Variants in KLF12 observed in about 807,000 individuals in gnomAD.
KLF12 encodes KLF transcription factor 12, also known as Krueppel-like factor 12.
KLF12 carries 9 observed loss-of-function variants against 37.8 expected under a neutral mutation model. The ratio of observed to expected loss-of-function variants is 0.24; its 90% CI spans 0.14 to 0.42. The LOEUF is 0.42. Among genes scored for constraint, KLF12 ranks in the 10% least tolerant of loss-of-function variants. The pLI, the probability that KLF12 is intolerant of heterozygous loss-of-function variation, is 1.00. For synonymous variants in KLF12, 208 were observed against 202.1 expected, an observed-to-expected ratio of 1.03 and a Z score of -0.25; for missense variants, 411 against 516.0, an observed-to-expected ratio of 0.80 and a Z score of 1.97.
At position 73,965,522 on chromosome 13, in the gene KLF12, C is replaced by T. The variant is rs141311681; in HGVS notation, c.34-21452G>A. Reference sequence around the variant, plus strand: ...CAGATATGATGGGTGGGGAATCTGGCTGTCACCAAGCCAAAGATCTTGCGC... The same window carrying T: ...CAGATATGATGGGTGGGGAATCTGGTTGTCACCAAGCCAAAGATCTTGCGC... On this transcript the variant is annotated intron_variant, in intron 2 of 7. Transcript: ENST00000377669. 2.4e-3 allele frequency among the ~76,000 whole-genome samples: 371 copies of T among 152,258 alleles called. 3 individuals are homozygous for T. Among genetic ancestry groups the T allele is most frequent in the Non-Finnish European group, 3.9e-3 (264 of 68,022 alleles).
intron 1 of KLF12, among the ~76,000 whole-genome samples, chr13:74,086,369 T>C (rs1875297658): frequency 1.3e-5 from 2 of 149,576 alleles, no homozygotes; most frequent in Admixed American, 1.3e-4. Context: ...ACATGCGGTG[T>C]TTGGTTTTTT....
rs1364977234 is a variant in KLF12 at position 73,688,312 on chromosome 13, T to C, written c.*7178A>G. 6.6e-6 allele frequency: 1 copy of C among 152,524 alleles called. No homozygotes were observed. Among genetic ancestry groups the C allele is most frequent in the East Asian group, 1.9e-4 (1 of 5,200 alleles). 9.4% of individuals were successfully genotyped at this position (152,524 alleles called of 1,614,324 possible). On this transcript the variant is annotated 3_prime_UTR_variant, in exon 8 of 8. Coordinates refer to ENST00000377669, the MANE Select transcript of KLF12 (RefSeq NM_007249.5). ...TATAAACAAATTATTTATAAGACTA[T>C]TTAAAACATTCCACAACAGAGCTGT...
intron 2 of KLF12, among the ~76,000 whole-genome samples, chr13:73,964,693 A>G (rs1350611547): frequency 1.3e-5 from 2 of 151,886 alleles, no homozygotes; most frequent in African/African-American, 4.8e-5. Context: ...TCAAAAAGGT[A>G]TCAGAAGCTG....
At chr13:73,862,357 G>T (rs541578309) in intron 3 of KLF12, among the ~76,000 whole-genome samples, 1 of 152,274 alleles carries the variant, frequency 6.6e-6, no homozygotes, top group Non-Finnish European at 1.5e-5. Flanking sequence ...ACATTTTACA[G>T]ATAGGAAACA....
chr13:73,923,877 G>A (rs970366268), intron 3 of KLF12, among the ~76,000 whole-genome samples: 3 of 152,176 alleles, frequency 2.0e-5, no homozygotes, highest in Non-Finnish European at 2.9e-5. Flanking sequence ...CGAGTTGTGA[G>A]GCAGACATAT....
the KLF12 span, among the ~76,000 whole-genome samples, chr13:74,179,683 G>C: frequency 1.3e-5 from 2 of 152,124 alleles, no homozygotes; most frequent in Admixed American, 6.6e-5. Flanking sequence ...ATGAAACTAA[G>C]GTTGCTTTAT....
chr13:74,222,239 TCAAC>T, the KLF12 span, among the ~76,000 whole-genome samples: 3 of 152,364 alleles, frequency 2.0e-5, no homozygotes, highest in African/African-American at 7.2e-5. Flanking sequence ...AATCTATACT[TCAAC>T]CAAGTTCTGG....
intron 3 of KLF12, among the ~76,000 whole-genome samples, chr13:73,857,924 G>GA (rs1471373619): frequency 6.6e-6 from 1 of 152,022 alleles, no homozygotes; most frequent in Non-Finnish European, 1.5e-5. Flanking sequence ...AATGTTAAGT[G>GA]AAAAAATGTT....
At chr13:73,860,106 T>C (rs775986964) in intron 3 of KLF12, among the ~76,000 whole-genome samples, 6 of 152,178 alleles carry the variant, frequency 3.9e-5, no homozygotes, top group Non-Finnish European at 7.4e-5. Flanking sequence ...GGTTGCGTTT[T>C]ATATGATCAG....
the KLF12 span, among the ~76,000 whole-genome samples, chr13:74,142,340 A>C: frequency 3.8e-3 from 579 of 152,336 alleles, 3 homozygotes; most frequent in African/African-American, 0.013. Context: ...CTGCGTTTGC[A>C]TTTCATATTC....
intron 1 of KLF12, among the ~76,000 whole-genome samples, chr13:74,093,360 G>A (rs923101716): frequency 6.6e-6 from 1 of 152,074 alleles, no homozygotes; most frequent in Non-Finnish European, 1.5e-5. Context: ...GCTTCACCCA[G>A]AACTTTATGT....
chr13:73,755,751 C>T (rs117148431), intron 6 of KLF12, among the ~76,000 whole-genome samples: 1 of 151,736 alleles, frequency 6.6e-6, no homozygotes, highest in Non-Finnish European at 1.5e-5. Context: ...CCTCACCACC[C>T]CCCCAACCCT....
rs1889831439 is a variant in KLF12, at chr13:73,934,413, T to C, written c.123+9568A>G. Reference sequence around the variant, plus strand: ...AATATGTCACGAACTCCACCATGCATTGTTATATTTGCTTTCAGCAGTCAA... The same window carrying C: ...AATATGTCACGAACTCCACCATGCACTGTTATATTTGCTTTCAGCAGTCAA... On this transcript the variant is annotated intron_variant, in intron 3 of 7. Transcript: ENST00000377669. Among the ~76,000 whole-genome samples the C allele has an allele frequency of 2.0e-5, 3 of 152,214 alleles. No homozygotes were observed. In the South Asian group the frequency reaches 6.2e-4, roughly 32 times the overall value.
chr13:73,883,276 T>C (rs902029485), intron 3 of KLF12, among the ~76,000 whole-genome samples: 2 of 152,308 alleles, frequency 1.3e-5, no homozygotes, highest in East Asian at 1.9e-4. Context: ...AAATGAGTGA[T>C]TGAATCAGCC....
At chr13:74,153,610 CAT>C in the KLF12 span, among the ~76,000 whole-genome samples, 1 of 152,212 alleles carries the variant, frequency 6.6e-6, no homozygotes, top group Non-Finnish European at 1.5e-5. Flanking sequence ...ACACTACACT[CAT>C]ATTAAGAATC....
intron 1 of KLF12, among the ~76,000 whole-genome samples, chr13:74,117,558 T>C (rs925462607): frequency 3.3e-5 from 5 of 152,204 alleles, no homozygotes; most frequent in African/African-American, 1.2e-4. Flanking sequence ...CAAGACTTAG[T>C]GACTCACTTC....
At chr13:73,839,548 G>A (rs11843156) in intron 4 of KLF12, among the ~76,000 whole-genome samples, 4,092 of 152,152 alleles carry the variant, frequency 0.027, 59 homozygotes, top group African/African-American at 0.033. Flanking sequence ...AAACAATGAA[G>A]AAAAAATGTT....
upstream of KLF12, among the ~76,000 whole-genome samples, chr13:74,134,490 C>G (rs1025267903): frequency 3.7e-4 from 56 of 152,084 alleles, no homozygotes; most frequent in Non-Finnish European, 6.8e-4. Flanking sequence ...CTCGCCTCCC[C>G]GCCCGGACCG....
intron 5 of KLF12, among the ~76,000 whole-genome samples, chr13:73,812,012 A>G (rs548301618): frequency 6.6e-6 from 1 of 152,298 alleles, no homozygotes; most frequent in Admixed American, 6.5e-5. Context: ...TGGATATAAC[A>G]GAGGTAAAGG....
Sources: gnomAD v4.1 joint callset for allele counts (sites outside exome capture counted in the v4.1 genomes callset) on GRCh38, gnomAD v4.1.1 for gene constraint, MANE v1.5 for transcripts, NCBI Gene and HGNC (gene_info 2026-07-23, HGNC 2026-07-21) for gene names.